TRPM6: variants seen among roughly 807,000 people sequenced by gnomAD.
The protein encoded by TRPM6 is transient receptor potential cation channel subfamily M member 6, also known as channel kinase 2.
A neutral mutation model predicts 247.6 loss-of-function variants in TRPM6; 111 were observed. The observed-to-expected ratio is 0.45, with a 90% CI of 0.38 to 0.52. The LOEUF is 0.52. Among genes scored for constraint, TRPM6 ranks in the 20% least tolerant of loss-of-function variants. The pLI, the probability that TRPM6 is intolerant of heterozygous loss-of-function variation, is 0.00. For synonymous variants in TRPM6, 892 were observed against 853.8 expected, an observed-to-expected ratio of 1.04 and a Z score of -0.78; for missense variants, 2,126 against 2,421.5, an observed-to-expected ratio of 0.88 and a Z score of 2.56.
In TRPM6 at chr9:74,887,723, A is replaced by C. The variant is rs1027845913; in HGVS notation, c.33+101T>G. 45 of 1,613,080 alleles carry C rather than the reference A, an allele frequency of 2.8e-5. No homozygotes were observed. The African/African-American group carries it at 5.7e-4, about 21-fold the overall frequency. On this transcript the variant is annotated intron_variant, in intron 1 of 38. Coordinates refer to ENST00000360774, the MANE Select transcript of TRPM6 (RefSeq NM_017662.5). ...GCTATTCTAGATCCTCGTTAGATGT[A>C]GTGTCCCTGGCCCCACCCACTTCTA... is the stretch of plus-strand genomic sequence containing the variant.
intron 13 of TRPM6, among the ~76,000 whole-genome samples, chr9:74,809,444 T>C (rs1270882023): frequency 6.6e-6 from 1 of 152,222 alleles, no homozygotes; most frequent in African/African-American, 2.4e-5. Context: ...AATAAGGTTA[T>C]ATATGAATGA....
intron 7 of TRPM6, among the ~76,000 whole-genome samples, chr9:74,826,555 C>T (rs1292841684): frequency 6.6e-6 from 1 of 151,990 alleles, no homozygotes; most frequent in African/African-American, 2.4e-5. Flanking sequence ...CAGCACTCAG[C>T]CCTCCTGCTC....
At chr9:74,828,017 G>A in intron 6 of TRPM6, 68 bp from the exon 7 acceptor site, 1 of 1,516,706 alleles carries the variant, frequency 6.6e-7, no homozygotes, top group Non-Finnish European at 9.1e-7. Context: ...CTGCTCCAAA[G>A]GCCTATCTTT....
chr9:74,767,439 C>T (rs928093111), intron 25 of TRPM6, among the ~76,000 whole-genome samples: 4 of 152,148 alleles, frequency 2.6e-5, no homozygotes, highest in African/African-American at 9.7e-5. Context: ...TCACTTGATT[C>T]GAGAAGGATA....
At chr9:74,786,596 C>T (rs1008267789) in intron 20 of TRPM6, among the ~76,000 whole-genome samples, 7 of 151,772 alleles carry the variant, frequency 4.6e-5, no homozygotes, top group African/African-American at 1.2e-4. Context: ...AAAAATTAGC[C>T]GGGCGTGGTT....
Position 74,771,751 on chromosome 9 carries a change from T to C in TRPM6, c.3488A>G (p.Glu1163Gly). The C allele has an allele frequency of 2.5e-6, 4 of 1,613,966 alleles. No homozygotes were observed. Among genetic ancestry groups the C allele is most frequent in the African/African-American group, 2.7e-5 (2 of 75,054 alleles). Residue 1163 changes from glutamate to glycine, a missense_variant, in exon 25 of 39, where the codon GAA (glutamate) becomes GGA (glycine). Physicochemically the swap from Glu to Gly is moderately conservative, Grantham distance 98. This residue lies in a region of TRPM6 where 717 missense variants were observed against 715.9 expected (regional missense o/e 1.00). Coordinates refer to ENST00000360774, the MANE Select transcript of TRPM6 (RefSeq NM_017662.5). The part of the protein sequence containing the change: ...CVEKYFHEKM[E>G]DVNCSCEERI... ...TTCCTCACAACTACAATTCACATCT[T>C]CCATCTTCTCATGGAAGTATTTTTC...
chr9:74,740,240 C>T (rs1825820702), intron 33 of TRPM6, among the ~76,000 whole-genome samples: 1 of 152,062 alleles, frequency 6.6e-6, no homozygotes, highest in Non-Finnish European at 1.5e-5. Flanking sequence ...TCAGAGGATA[C>T]AAAAGAATTA....
At position 74,810,771 on chromosome 9, in the gene TRPM6, A is replaced by G. The variant is rs372152351; in HGVS notation, c.1497+44T>C. 16 of 1,573,928 alleles carry G rather than the reference A, an allele frequency of 1.0e-5. No homozygotes were observed. The African/African-American group carries it at 2.0e-4, about 20-fold the overall frequency. On this transcript the variant is annotated intron_variant, in intron 13 of 38. Transcript: ENST00000360774. Reference sequence around the variant, plus strand: ...CAGTGACTCCTCCAACACAAAGCTAAGGCAATACACAAAGACATGTTCACG... The same window carrying G: ...CAGTGACTCCTCCAACACAAAGCTAGGGCAATACACAAAGACATGTTCACG...
intron 1 of TRPM6, chr9:74,887,205 C>G (rs141780811): frequency 1.6e-6 from 2 of 1,248,780 alleles, no homozygotes; most frequent in African/African-American, 1.5e-5. Context: ...GGGAAGGAAG[C>G]GGACTGCGGC....
chr9:74,760,047 T>C (rs1290918844), intron 27 of TRPM6, among the ~76,000 whole-genome samples: 2 of 152,232 alleles, frequency 1.3e-5, no homozygotes, highest in Non-Finnish European at 2.9e-5. Context: ...CATAAGATTA[T>C]AATGCAACTG....
intron 6 of TRPM6, among the ~76,000 whole-genome samples, chr9:74,830,036 T>C (rs1034487045): frequency 9.2e-5 from 14 of 152,128 alleles, no homozygotes; most frequent in Non-Finnish European, 2.1e-4. Flanking sequence ...GAGGCTGACA[T>C]GGGAGGATCA....
At chr9:74,763,302 G>C (rs1017931203) in intron 25 of TRPM6, among the ~76,000 whole-genome samples, 168 bp from the exon 26 acceptor site, 1 of 152,026 alleles carries the variant, frequency 6.6e-6, no homozygotes, top group African/African-American at 2.4e-5. Context: ...CTCAACTCAG[G>C]TGATCTCATC....
At chr9:74,784,578 G>T (rs577836182) in intron 21 of TRPM6, among the ~76,000 whole-genome samples, 67 of 152,236 alleles carry the variant, frequency 4.4e-4, no homozygotes, top group African/African-American at 1.6e-3. Flanking sequence ...AAGAATAAAC[G>T]GATATTTTAG....
intron 7 of TRPM6, among the ~76,000 whole-genome samples, chr9:74,823,733 G>A (rs1335398002): frequency 6.6e-6 from 1 of 152,088 alleles, no homozygotes; most frequent in East Asian, 1.9e-4. Context: ...ATTGATTTTG[G>A]AATAAAAACA....
intron 27 of TRPM6, among the ~76,000 whole-genome samples, chr9:74,760,358 A>C (rs1826582041): frequency 6.6e-6 from 1 of 152,168 alleles, no homozygotes; most frequent in African/African-American, 2.4e-5. Flanking sequence ...TGTTACAATT[A>C]CCTAAAGTGT....
At chr9:74,870,228 C>A (rs181324088) in intron 1 of TRPM6, among the ~76,000 whole-genome samples, 2 of 152,146 alleles carry the variant, frequency 1.3e-5, no homozygotes, top group African/African-American at 4.8e-5. Flanking sequence ...ACCTAGGATA[C>A]ACCTACAGTA....
rs188118118 is a variant in TRPM6, at chr9:74,723,543, C to T, written c.*1070G>A. On this transcript the variant is annotated 3_prime_UTR_variant, in exon 39 of 39. Coordinates refer to ENST00000360774, the MANE Select transcript of TRPM6 (RefSeq NM_017662.5). ...AAAGGCCAGGCGCAGTGGCTCACGC[C>T]TGTAATCCCAGCACTTTGGGAAGCC... 1 of 151,128 alleles carries T rather than the reference C, an allele frequency of 6.6e-6. No individual in the cohort carries two copies. The highest frequency in any genetic ancestry group is 1.5e-5 in the Non-Finnish European group (1 of 67,868). 9.4% of individuals were successfully genotyped at this position (151,128 alleles called of 1,614,324 possible). A position where few individuals can be genotyped will look rare whatever the true frequency, so the allele number is the denominator to read the frequency against.
intron 3 of TRPM6, among the ~76,000 whole-genome samples, chr9:74,852,450 CCTCCCT>C (rs201385236): frequency 0.32 from 46,912 of 148,098 alleles, 8,444 homozygotes; most frequent in East Asian, 0.5. Flanking sequence ...CGCTCCCCCT[CCTCCCT>C]CTCCCTCTCC....
rs575720866 is a variant in TRPM6, at chr9:74,863,074, G to A, written c.34-4326C>T. Among the ~76,000 whole-genome samples, 4 of 151,894 alleles carry A rather than the reference G, an allele frequency of 2.6e-5. No homozygotes were observed. The East Asian group carries it at 7.8e-4, about 29-fold the overall frequency. On this transcript the variant is annotated intron_variant, in intron 1 of 38. Transcript: ENST00000360774. The stretch of plus-strand genomic sequence containing the variant: ...TTTTGTTTTGTTTTTTTGAGACGGA[G>A]TTTCTCTCGTTGCCCAGACTGGAGT...
Sources: gnomAD v4.1 joint callset for allele counts (sites outside exome capture counted in the v4.1 genomes callset) on GRCh38, gnomAD v4.1.1 for gene constraint, gnomAD v4.1.1 regional missense constraint, MANE v1.5 for transcripts, NCBI Gene and HGNC (gene_info 2026-07-23, HGNC 2026-07-21) for gene names.